MCCC1: variants seen among roughly 807,000 people sequenced by gnomAD.
The protein encoded by MCCC1 is methylcrotonyl-CoA carboxylase subunit 1, also known as methylcrotonoyl-CoA carboxylase subunit alpha, mitochondrial.
In MCCC1, 64 loss-of-function variants were observed where a neutral mutation model predicts 83.8. That is an observed-to-expected ratio of 0.76 (90% CI 0.62 to 0.94). The LOEUF is 0.94. Among genes scored for constraint, MCCC1 ranks in the 40% least tolerant of loss-of-function variants. The pLI is 0.00. For missense variants in MCCC1, 807 were observed against 904.7 expected, an observed-to-expected ratio of 0.89 and a Z score of 1.39; for synonymous variants, 322 against 315.4, an observed-to-expected ratio of 1.02 and a Z score of -0.22.
At chr3:183,073,190 AC>A (rs1162103480) in intron 4 of MCCC1, among the ~76,000 whole-genome samples, 3 of 152,190 alleles carry the variant, frequency 2.0e-5, no homozygotes, top group Non-Finnish European at 4.4e-5. Flanking sequence ...CTAGCTGTAT[AC>A]CAAAAGTGGA....
intron 8 of MCCC1, among the ~76,000 whole-genome samples, chr3:183,056,273 A>G (rs980838534): frequency 4.6e-5 from 7 of 152,216 alleles, no homozygotes; most frequent in African/African-American, 1.7e-4. Flanking sequence ...CATAAATTAA[A>G]ATTTGAATAT....
chr3:183,113,781 C>G (rs1719541645), intron 1 of MCCC1, among the ~76,000 whole-genome samples: 1 of 151,986 alleles, frequency 6.6e-6, no homozygotes, highest in South Asian at 2.1e-4. Flanking sequence ...TTCTGGGAGC[C>G]ACTCTAGCAA....
rs1203188031 is a variant in MCCC1, at chr3:183,039,063, G to C, written c.1340C>G (p.Ala447Gly). ...AAGGCTGTACCTCAGTTTTGTCAAT[G>C]CCGCCTGGCGATCTGCTGCCCACAC... ...LVVWAADRQA[A>G]LTKLRYSLRQ... The change falls in exon 12 of 19, where the codon GCA (alanine) becomes GGA (glycine). Residue 447 changes from alanine (A) to glycine (G), a missense_variant. Coordinates refer to ENST00000265594, the MANE Select transcript of MCCC1 (RefSeq NM_020166.5). 6.2e-7 allele frequency: 1 copy of C among 1,614,198 alleles called. No individual in the cohort carries two copies. The highest frequency in any genetic ancestry group is 8.5e-7 in the Non-Finnish European group (1 of 1,180,036).
intron 13 of MCCC1, among the ~76,000 whole-genome samples, chr3:183,035,710 C>A (rs896928185): frequency 6.6e-6 from 1 of 151,454 alleles, no homozygotes; most frequent in Non-Finnish European, 1.5e-5. Context: ...TAATAATTAC[C>A]AATAAAAGAG....
Position 183,022,522 on chromosome 3 carries a change from A to G in MCCC1, c.1764T>C (p.Asn588=), listed in dbSNP as rs200025893. 4 of 1,613,794 alleles carry G rather than the reference A, an allele frequency of 2.5e-6. No homozygotes were observed. In the Admixed American group the frequency reaches 6.7e-5, roughly 27 times the overall value. ...IEDKTFQVLG[N]LYSEGDCTYL... ...AAGTGCAGTCTCCCTCGCTGTAAAG[A>G]TTACCAAGGACTTGGAAAGTTTTAT... Residue 588 remains asparagine (N), a synonymous_variant, in exon 16 of 19, where the codon AAT becomes AAC. Coordinates refer to ENST00000265594, the MANE Select transcript of MCCC1 (RefSeq NM_020166.5).
At chr3:183,080,534 C>A (rs1364010694) in intron 4 of MCCC1, among the ~76,000 whole-genome samples, 1 of 152,208 alleles carries the variant, frequency 6.6e-6, no homozygotes, top group African/African-American at 2.4e-5. Context: ...CAAAGCCATT[C>A]AGCAAGTCTC....
rs764744442 is a variant in MCCC1 at position 183,041,573 on chromosome 3, G to C, written c.1261C>G (p.Arg421Gly). The C allele has an allele frequency of 1.6e-5, 26 of 1,613,944 alleles. No homozygotes were observed. The highest frequency in any genetic ancestry group is 1.9e-5 in the Non-Finnish European group (23 of 1,179,876). ...TCATTTTCTTTCACTTTACCTTGCC[G>C]TACTCCAGTTTCAATCCTGGTGGAA... is the stretch of plus-strand genomic sequence containing the variant. ...DPSTRIETGV[R>G]QGDEVSVHYD... is the part of the protein sequence containing the mutation. The change falls in exon 11 of 19, where the codon CGG becomes GGG. Residue 421 changes from arginine (R) to glycine (G), a missense_variant. Arg to Gly is a moderately radical substitution (Grantham distance 125). Transcript: ENST00000265594.
chr3:183,037,402 T>A lies in MCCC1; in HGVS notation c.1410A>T (p.Leu470Phe). ...ACTCTGGGTGGCCAGACAGGTTGAG[T>A]AAGAAGTCAATGTTGGTGTGCAGTC... ...IVGLHTNIDF[L>F]LNLSGHPEFE... Residue 470 changes from leucine to phenylalanine, a missense_variant, in exon 13 of 19, where the codon TTA becomes TTT. By Grantham distance (22) the Leu-to-Phe change is conservative (BLOSUM62 0). Transcript: ENST00000265594. 6.2e-7 allele frequency: 1 copy of A among 1,614,064 alleles called. No individual in the cohort carries two copies. The highest frequency in any genetic ancestry group is 8.5e-7 in the Non-Finnish European group (1 of 1,180,006).
intron 14 of MCCC1, among the ~76,000 whole-genome samples, chr3:183,032,501 T>G (rs570150685): frequency 6.6e-6 from 1 of 152,202 alleles, no homozygotes; most frequent in Non-Finnish European, 1.5e-5. Context: ...ATATGCCCAA[T>G]GCACTTAAGA....
chr3:183,035,890 A>G (rs1713541009), intron 13 of MCCC1, among the ~76,000 whole-genome samples: 1 of 151,746 alleles, frequency 6.6e-6, no homozygotes, highest in Non-Finnish European at 1.5e-5. Flanking sequence ...GGTTTGTTAC[A>G]TATGTATACA....
At chr3:183,103,878 C>T (rs1052998645), upstream of MCCC1, among the ~76,000 whole-genome samples, 2 of 152,180 alleles carry the variant, frequency 1.3e-5, no homozygotes, top group Non-Finnish European at 2.9e-5. Flanking sequence ...CTGCAGGTCC[C>T]GAGCCCTGCC....
intron 9 of MCCC1, among the ~76,000 whole-genome samples, chr3:183,050,757 C>T (rs1166914195): frequency 2.6e-5 from 4 of 151,024 alleles, no homozygotes; most frequent in Non-Finnish European, 4.4e-5. Context: ...GAAGACAAGC[C>T]TCAGACTGAC....
At chr3:183,026,220 T>C (rs2108447406) in intron 14 of MCCC1, among the ~76,000 whole-genome samples, 1 of 152,202 alleles carries the variant, frequency 6.6e-6, no homozygotes, top group Non-Finnish European at 1.5e-5. Context: ...TTTTGATTTT[T>C]TTGTAGAGAT....
upstream of MCCC1, among the ~76,000 whole-genome samples, chr3:183,104,114 C>T (rs1008343736): frequency 2.0e-5 from 3 of 152,212 alleles, no homozygotes; most frequent in Non-Finnish European, 2.9e-5. Flanking sequence ...CCCCGGTTCC[C>T]GCTCGCACCT....
chr3:183,016,461 C>G (rs1303755848), intron 18 of MCCC1, among the ~76,000 whole-genome samples: 1 of 151,762 alleles, frequency 6.6e-6, no homozygotes, highest in Non-Finnish European at 1.5e-5. Context: ...GAACTCCTGA[C>G]CTCAAATGAT....
intron 10 of MCCC1, among the ~76,000 whole-genome samples, chr3:183,043,849 G>A (rs980594894): frequency 1.3e-5 from 2 of 152,030 alleles, no homozygotes; most frequent in Non-Finnish European, 2.9e-5. Context: ...TTCCAAGGTC[G>A]AAACTCTCTT....
intron 1 of MCCC1, among the ~76,000 whole-genome samples, chr3:183,104,790 G>C (rs1380829711): frequency 2.0e-5 from 3 of 152,132 alleles, no homozygotes; most frequent in African/African-American, 7.2e-5. Context: ...ATAACATAAA[G>C]TTTAGCACAC....
In MCCC1 at chr3:183,064,586, C is replaced by T. The variant is rs1716103746; in HGVS notation, c.761+6413G>A. ...GCACAAGTGCAGCACCAGCGGGCTG[C>T]ACGCCAGCTCCCCGGTTCGCCGGCT... On this transcript the variant is annotated intron_variant, in intron 7 of 18. Coordinates refer to ENST00000265594, the MANE Select transcript of MCCC1 (RefSeq NM_020166.5). The surrounding 1 kb of genome is among the most constrained non-coding windows in gnomAD (Gnocchi z 4.5). Among the ~76,000 whole-genome samples the T allele has an allele frequency of 6.6e-6, 1 of 152,180 alleles. No individual in the cohort carries two copies. Among genetic ancestry groups the T allele is most frequent in the Admixed American group, 6.5e-5 (1 of 15,276 alleles).
chr3:183,068,038 C>A (rs956123219), intron 7 of MCCC1, among the ~76,000 whole-genome samples: 1 of 152,144 alleles, frequency 6.6e-6, no homozygotes, highest in Non-Finnish European at 1.5e-5. Flanking sequence ...AATATCATCA[C>A]CCCATTCAGC....
Sources: gnomAD v4.1 joint callset for allele counts (sites outside exome capture counted in the v4.1 genomes callset) on GRCh38, gnomAD v4.1.1 for gene constraint, Gnocchi (gnomAD v3.1) non-coding constraint, MANE v1.5 for transcripts, NCBI Gene and HGNC (gene_info 2026-07-23, HGNC 2026-07-21) for gene names.